Variants in PLXNB1 observed in about 807,000 individuals in gnomAD.
PLXNB1 encodes plexin B1.
A neutral mutation model predicts 209.4 loss-of-function variants in PLXNB1; 106 were observed. The observed-to-expected ratio is 0.51, with a 90% confidence interval of 0.43 to 0.59. The LOEUF is 0.59. Among genes scored for constraint, PLXNB1 ranks in the 20% least tolerant of loss-of-function variants. The pLI is 0.00. For missense variants in PLXNB1, 2,357 were observed against 2,853.2 expected (o/e 0.83, Z 3.96); for synonymous variants, 1,167 against 1,183.2 (o/e 0.99, Z 0.28).
At position 48,423,911 on chromosome 3, in the gene PLXNB1, C is replaced by G. The variant is rs1344874035; in HGVS notation, c.701G>C (p.Arg234Pro). ...TCTAGACTGAGCCTGCAGGTCCCGC[C>G]GCAGGAACAGGAAGTAGGCGCTGGC... Reference protein sequence around the residue: ...RGASAYFLFLRRDLQAQSRAF... With the variant: ...RGASAYFLFLPRDLQAQSRAF... The change falls in exon 3 of 38, where the codon CGG becomes CCG. Residue 234 changes from arginine to proline, a missense_variant. By Grantham distance (103) the Arg-to-Pro change is moderately radical (BLOSUM62 -2). Coordinates refer to ENST00000296440, the MANE Select transcript of PLXNB1 (RefSeq NM_001130082.3). The G allele has an allele frequency of 6.2e-7, 1 of 1,614,020 alleles. No homozygotes were observed. The highest frequency in any genetic ancestry group is 8.5e-7 in the Non-Finnish European group (1 of 1,180,032).
Position 48,413,368 on chromosome 3 carries a change from G to A in PLXNB1, c.4536-199C>T. The stretch of plus-strand genomic sequence containing the variant: ...ACACACCCATGCCCCGTCTAGCCCA[G>A]CACAGTTTAGCCTAGAGATCAGCCA... On this transcript the variant is annotated intron_variant, in intron 23 of 37. Transcript: ENST00000296440. This position sits in a 1 kb window ranked among gnomAD's most constrained non-coding sequence, Gnocchi z 5.4. 2 of 610,458 alleles carry A rather than the reference G, an allele frequency of 3.3e-6. No individual in the cohort carries two copies. Among genetic ancestry groups the A allele is most frequent in the East Asian group, 5.5e-5 (2 of 36,330 alleles). 37.8% of individuals were successfully genotyped at this position (610,458 alleles called of 1,614,324 possible). A position where few individuals can be genotyped will look rare whatever the true frequency, so the allele number is the denominator to read the frequency against.
In PLXNB1 at chr3:48,418,221, G is replaced by A; in HGVS notation, c.3192C>T (p.Ala1064=). ...GGATGAGGGGCGCTGGGCACTGGGT[G>A]GCCACAGCCTCAGCCTCACCACAGG... is the stretch of plus-strand genomic sequence containing the variant. ...REACGEAEAV[A]TQCPAPLIHS... is the part of the protein sequence containing the mutation. Residue 1064 remains alanine (A), a synonymous_variant, in exon 15 of 38, where the codon GCC becomes GCT. Coordinates refer to ENST00000296440, the MANE Select transcript of PLXNB1 (RefSeq NM_001130082.3). This position sits in a 1 kb window ranked among gnomAD's most constrained non-coding sequence, Gnocchi z 6.6. 1 of 1,612,168 alleles carries A rather than the reference G, an allele frequency of 6.2e-7. No individual in the cohort carries two copies. The highest frequency in any genetic ancestry group is 8.5e-7 in the Non-Finnish European group (1 of 1,179,420).
rs536820565 is a variant in PLXNB1 at position 48,412,101 on chromosome 3, T to C, written c.5101-92A>G. On this transcript the variant is annotated intron_variant, in intron 27 of 37. Transcript: ENST00000296440. ...TGGGGAAGGGGACAGGACATGGGCT[T>C]AAGGGGACTGAGGACAGGCTGAGCA... 5.5e-5 allele frequency: 82 copies of C among 1,503,886 alleles called. No individual in the cohort carries two copies. In the East Asian group the frequency reaches 1.8e-3, roughly 34 times the overall value. The allele number at this position is 1,503,886 out of a possible 1,614,324, so 93.2% of individuals were successfully genotyped here.
intron 9 of PLXNB1, 21 bp from the exon 10 acceptor site, chr3:48,420,794 G>C (rs757652767): frequency 2.5e-6 from 4 of 1,613,124 alleles, no homozygotes; most frequent in Middle Eastern, 1.7e-4. Context: ...CACAGCCATG[G>C]GGCAAGGGTC....
rs746844801 is a variant in PLXNB1, at chr3:48,418,580, G to C, written c.2956-38C>G. On this transcript the variant is annotated intron_variant, in intron 13 of 37. Coordinates refer to ENST00000296440, the MANE Select transcript of PLXNB1 (RefSeq NM_001130082.3). This position sits in a 1 kb window ranked among gnomAD's most constrained non-coding sequence, Gnocchi z 6.6. ...GAGTGGGTTCAGAGTCAAGCACTGG[G>C]GGAAGTGTCAGGCCTGGGGAGGGGT... 5 of 1,526,700 alleles carry C rather than the reference G, an allele frequency of 3.3e-6. No individual in the cohort carries two copies. Among genetic ancestry groups the C allele is most frequent in the South Asian group, 1.2e-5 (1 of 85,044 alleles). 94.6% of individuals were successfully genotyped at this position (1,526,700 alleles called of 1,614,324 possible). A position where few individuals can be genotyped will look rare whatever the true frequency, so the allele number is the denominator to read the frequency against.
chr3:48,415,928 C>G lies in PLXNB1; in HGVS notation c.3617+103G>C. 7.1e-7 allele frequency: 1 copy of G among 1,406,896 alleles called. No homozygotes were observed. The highest frequency in any genetic ancestry group is 9.6e-7 in the Non-Finnish European group (1 of 1,036,602). 87.2% of individuals were successfully genotyped at this position (1,406,896 alleles called of 1,614,324 possible). A position where few individuals can be genotyped will look rare whatever the true frequency, so the allele number is the denominator to read the frequency against. ...AGGGTCTGGCCACTCTCTGAAGGAG[C>G]AGACTGGCCCTCTTCCCCTTTCTGC... On this transcript the variant is annotated intron_variant, in intron 18 of 37. Transcript: ENST00000296440. This position sits in a 1 kb window ranked among gnomAD's most constrained non-coding sequence, Gnocchi z 5.0.
chr3:48,421,848 C>T, intron 6 of PLXNB1, 42 bp from the exon 7 acceptor site: 2 of 1,576,784 alleles, frequency 1.3e-6, no homozygotes, highest in Non-Finnish European at 1.7e-6. Flanking sequence ...CCTCATGGGC[C>T]ACTGGGAGTT....
At position 48,416,255 on chromosome 3, in the gene PLXNB1, G is replaced by A; in HGVS notation, c.3481-88C>T. ...GAGAGACAGGCTGGCCCAGGACTGG[G>A]AGCCCCACCAAGGAATAACCAGATG... On this transcript the variant is annotated intron_variant, in intron 17 of 37. Coordinates refer to ENST00000296440, the MANE Select transcript of PLXNB1 (RefSeq NM_001130082.3). This position sits in a 1 kb window ranked among gnomAD's most constrained non-coding sequence, Gnocchi z 4.1. 1 of 1,554,550 alleles carries A rather than the reference G, an allele frequency of 6.4e-7. No homozygotes were observed. The highest frequency in any genetic ancestry group is 8.8e-7 in the Non-Finnish European group (1 of 1,136,922).
In PLXNB1 at chr3:48,410,087, G is replaced by A; in HGVS notation, c.5606-10C>T. ...TCCAGCATTGGGGTCCCTGTGCCAA[G>A]AGCCCACAGCTGTCACCCCTCCCCA... On this transcript the variant is annotated splice_polypyrimidine_tract_variant and intron_variant, in intron 31 of 37. Transcript: ENST00000296440. This position sits in a 1 kb window ranked among gnomAD's most constrained non-coding sequence, Gnocchi z 6.4. 1 of 1,572,316 alleles carries A rather than the reference G, an allele frequency of 6.4e-7. No individual in the cohort carries two copies. Among genetic ancestry groups the A allele is most frequent in the South Asian group, 1.2e-5 (1 of 86,066 alleles).
At position 48,429,561 on chromosome 3, in the gene PLXNB1, C is replaced by A. The variant is rs550476208; in HGVS notation, c.-60+447G>T. The A allele has an allele frequency of 2.0e-5, 3 of 151,708 alleles. No individual in the cohort carries two copies. In the East Asian group the frequency reaches 5.8e-4, roughly 29 times the overall value. 9.4% of individuals were successfully genotyped at this position (151,708 alleles called of 1,614,324 possible). On this transcript the variant is annotated intron_variant, in intron 1 of 37. Coordinates refer to ENST00000296440, the MANE Select transcript of PLXNB1 (RefSeq NM_001130082.3). The surrounding 1 kb of genome is among the most constrained non-coding windows in gnomAD (Gnocchi z 6.4). ...AGCCCGGAGAGCCGGGCGCGCGGCC[C>A]CGAACCGCCCGGGACCCCGCATTCC...
rs1394005895 is a variant in PLXNB1, at chr3:48,423,997, C to T, written c.615G>A (p.Lys205=). The T allele has an allele frequency of 6.2e-7, 1 of 1,613,084 alleles. No individual in the cohort carries two copies. The highest frequency in any genetic ancestry group is 8.5e-7 in the Non-Finnish European group (1 of 1,179,646). Residue 205 remains lysine, a synonymous_variant, in exon 3 of 38, where the codon AAG becomes AAA. Coordinates refer to ENST00000296440, the MANE Select transcript of PLXNB1 (RefSeq NM_001130082.3). ...ACTCGGAGAGGCGGCCCACTGCCAGCTTGGCTGTCTCCTCATAGGAGAAGG... is the reference window on the plus strand; with the variant it reads ...ACTCGGAGAGGCGGCCCACTGCCAGTTTGGCTGTCTCCTCATAGGAGAAGG... ...QAAFSYEETA[K]LAVGRLSEYS... is the part of the protein sequence containing the mutation.
chr3:48,421,758 C>A lies in PLXNB1; in HGVS notation c.1569G>T (p.Trp523Cys), dbSNP rs191486525. 2 of 1,610,078 alleles carry A rather than the reference C, an allele frequency of 1.2e-6. No individual in the cohort carries two copies. Among genetic ancestry groups the A allele is most frequent in the Non-Finnish European group, 8.5e-7 (1 of 1,176,798 alleles). The stretch of plus-strand genomic sequence containing the variant: ...CCAGCTCAGGCTGGAAGCTCCATAG[C>A]CACTGCTCTGGGCCCTGGCCCCTCG... Reference protein sequence around the residue: ...ECSRGQGPEQWLWSFQPELGC... With the variant: ...ECSRGQGPEQCLWSFQPELGC... The change falls in exon 7 of 38, where the codon TGG becomes TGT. Residue 523 changes from tryptophan (W) to cysteine (C), a missense_variant. By Grantham distance (215) the Trp-to-Cys change is radical. Coordinates refer to ENST00000296440, the MANE Select transcript of PLXNB1 (RefSeq NM_001130082.3).
intron 1 of PLXNB1, among the ~76,000 whole-genome samples, chr3:48,427,581 G>A (rs1487017463): frequency 6.6e-6 from 1 of 152,074 alleles, no homozygotes; most frequent in Non-Finnish European, 1.5e-5. Flanking sequence ...CAGAGCGGGA[G>A]GGATAAAGGC....
intron 21 of PLXNB1, 37 bp from the exon 22 acceptor site, chr3:48,414,108 C>T: frequency 6.2e-7 from 1 of 1,603,062 alleles, no homozygotes; most frequent in South Asian, 1.1e-5. Context: ...ACTCAGGACC[C>T]TTCCCTCAGA....
chr3:48,410,630 C>A lies in PLXNB1; in HGVS notation c.5417-72G>T, dbSNP rs554389146. ...CCCATAGTGGAGCCCATCTCCTCCTCCACAGGGACACCAGCCCCTCCATCA... is the reference window on the plus strand; with the variant it reads ...CCCATAGTGGAGCCCATCTCCTCCTACACAGGGACACCAGCCCCTCCATCA... On this transcript the variant is annotated intron_variant, in intron 29 of 37. Coordinates refer to ENST00000296440, the MANE Select transcript of PLXNB1 (RefSeq NM_001130082.3). The surrounding 1 kb of genome is among the most constrained non-coding windows in gnomAD (Gnocchi z 6.4). The A allele has an allele frequency of 1.6e-6, 2 of 1,288,434 alleles. No individual in the cohort carries two copies. Among genetic ancestry groups the A allele is most frequent in the Non-Finnish European group, 2.2e-6 (2 of 893,970 alleles). 79.8% of individuals were successfully genotyped at this position (1,288,434 alleles called of 1,614,324 possible). A position where few individuals can be genotyped will look rare whatever the true frequency, so the allele number is the denominator to read the frequency against.
Position 48,413,543 on chromosome 3 carries a change from A to G in PLXNB1, c.4535+127T>C. 9.3e-7 allele frequency: 1 copy of G among 1,078,398 alleles called. No homozygotes were observed. Among genetic ancestry groups the G allele is most frequent in the South Asian group, 1.7e-5 (1 of 59,064 alleles). 66.8% of individuals were successfully genotyped at this position (1,078,398 alleles called of 1,614,324 possible). On this transcript the variant is annotated intron_variant, in intron 23 of 37. Transcript: ENST00000296440. The surrounding 1 kb of genome is among the most constrained non-coding windows in gnomAD (Gnocchi z 5.4). The stretch of plus-strand genomic sequence containing the variant: ...TTGAACAGAGACCACTTGGCCTGCA[A>G]AGCGAAAATATTTACTCTCTGGCCA...
rs1045535908 is a variant in PLXNB1 at position 48,404,645 on chromosome 3, G to A, written c.6304-55C>T. On this transcript the variant is annotated intron_variant, in intron 37 of 37. Transcript: ENST00000296440. ...GACTTCTTTGGCCAACGTGTTTGCT[G>A]CAAAATTCAACAGCCCTCCTAAGAC... 14 of 1,261,778 alleles carry A rather than the reference G, an allele frequency of 1.1e-5. No homozygotes were observed. The African/African-American group carries it at 1.8e-4, about 16-fold the overall frequency. 78.2% of individuals were successfully genotyped at this position (1,261,778 alleles called of 1,614,324 possible).
rs2037788428 is a variant in PLXNB1 at position 48,412,878 on chromosome 3, T to C, written c.4718A>G (p.Glu1573Gly). The change falls in exon 25 of 38, where the codon GAG becomes GGG. Residue 1573 changes from glutamate to glycine, a missense_variant. Transcript: ENST00000296440. ...GCGGTGCCCAGGGAAGAAGATCCTC[T>C]CCGCATACACCTTGTAGTCGAGGAA... is the stretch of plus-strand genomic sequence containing the variant. ...IPFLDYKVYAERIFFPGHRES... is the reference protein window; with the variant it reads ...IPFLDYKVYAGRIFFPGHRES... 1.2e-6 allele frequency: 2 copies of C among 1,613,786 alleles called. No homozygotes were observed.
chr3:48,424,078 C>G lies in PLXNB1; in HGVS notation c.534G>C (p.Gly178=). The G allele has an allele frequency of 6.4e-7, 1 of 1,570,048 alleles. No individual in the cohort carries two copies. Reference sequence around the variant, plus strand: ...GGGTTGTGATGGGTGGAATGCCACCCCCCACACCCCTGCTGGTGTATCCTC... The same window carrying G: ...GGGTTGTGATGGGTGGAATGCCACCGCCCACACCCCTGCTGGTGTATCCTC... The part of the protein sequence containing the change: ...VGRGYTSRGV[G]GGIPPITTRA... Residue 178 remains glycine, a synonymous_variant, in exon 3 of 38, where the codon GGG becomes GGC. Transcript: ENST00000296440.
Sources: gnomAD v4.1 joint callset for allele counts (sites outside exome capture counted in the v4.1 genomes callset) on GRCh38, gnomAD v4.1.1 for gene constraint, Gnocchi (gnomAD v3.1) non-coding constraint, MANE v1.5 for transcripts, NCBI Gene and HGNC (gene_info 2026-07-23, HGNC 2026-07-21) for gene names.